Variants in NAA80 observed in about 807,000 individuals in gnomAD.
NAA80 encodes the protein N-alpha-acetyltransferase 80.
In NAA80, 5 loss-of-function variants were observed where a neutral mutation model predicts 8.7. That is an observed-to-expected ratio of 0.58 (90% CI 0.30 to 1.21). The LOEUF (loss-of-function observed/expected upper bound fraction) is 1.21, where lower values mean the gene tolerates loss of function less well. NAA80 is among the 50% of genes most tolerant of loss of function. NAA80 has a pLI of 0.07. For synonymous variants in NAA80, 149 were observed against 156.6 expected (o/e 0.95, Z 0.36); for missense variants, 360 against 368.6 (o/e 0.98, Z 0.19).
Position 50,297,904 on chromosome 3 carries a change from G to A in NAA80, c.-209-232C>T, listed in dbSNP as rs1701918410. On this transcript the variant is annotated intron_variant, in intron 1 of 1. Coordinates refer to ENST00000443094, the MANE Select transcript of NAA80 (RefSeq NM_001200016.2). This position sits in a 1 kb window ranked among gnomAD's most constrained non-coding sequence, Gnocchi z 4.3. ...ACATTGGAGGGAGGCTGGGAGTGATGGATGAGCTGCTTAAGGCTGGGGCAG... is the reference window on the plus strand; with the variant it reads ...ACATTGGAGGGAGGCTGGGAGTGATAGATGAGCTGCTTAAGGCTGGGGCAG... The A allele has an allele frequency of 2.0e-6, 2 of 1,000,826 alleles. No individual in the cohort carries two copies. Among genetic ancestry groups the A allele is most frequent in the South Asian group, 4.6e-5 (1 of 21,730 alleles). The allele number at this position is 1,000,826 out of a possible 1,614,324, so 62.0% of individuals were successfully genotyped here. A position where few individuals can be genotyped will look rare whatever the true frequency, so the allele number is the denominator to read the frequency against.
At chr3:50,298,836 C>T in intron 1 of NAA80, 1 of 1,213,380 alleles carries the variant, frequency 8.2e-7, no homozygotes, top group Non-Finnish European at 1.0e-6. Context: ...TCAGCCACCT[C>T]TGCAGCAGCC....
In NAA80 at chr3:50,296,897, C is replaced by T; in HGVS notation, c.567G>A (p.Gln189=). The T allele has an allele frequency of 6.2e-7, 1 of 1,608,688 alleles. No homozygotes were observed. The highest frequency in any genetic ancestry group is 8.5e-7 in the Non-Finnish European group (1 of 1,178,220). The change falls in exon 2 of 2, where the codon CAG becomes CAA. Residue 189 remains glutamine (Q), a synonymous_variant. Transcript: ENST00000443094. ...CCAGGCCCTGCACAGGCTCACCCAGCTGGTAGCCCAGGTGGGTATAGAAGT... is the reference window on the plus strand; with the variant it reads ...CCAGGCCCTGCACAGGCTCACCCAGTTGGTAGCCCAGGTGGGTATAGAAGT... The part of the protein sequence containing the change: ...QVHFYTHLGY[Q]LGEPVQGLVF...
At position 50,297,258 on chromosome 3, in the gene NAA80, G is replaced by A. The variant is rs1258733951; in HGVS notation, c.206C>T (p.Pro69Leu). ...ELTLEPVHRR[P>L]ELLDACADLI... is the part of the protein sequence containing the mutation. ...GTCAGCACAAGCATCCAGGAGCTCGGGTCGGCGGTGCACAGGCTCCAGGGT... is the reference window on the plus strand; with the variant it reads ...GTCAGCACAAGCATCCAGGAGCTCGAGTCGGCGGTGCACAGGCTCCAGGGT... Residue 69 changes from proline (P) to leucine (L), a missense_variant, in exon 2 of 2, where the codon CCC (proline) becomes CTC (leucine). Transcript: ENST00000443094. The surrounding 1 kb of genome is among the most constrained non-coding windows in gnomAD (Gnocchi z 4.3). The A allele has an allele frequency of 1.3e-5, 21 of 1,610,082 alleles. No individual in the cohort carries two copies. Among genetic ancestry groups the A allele is most frequent in the Middle Eastern group, 1.6e-4 (1 of 6,062 alleles).
At position 50,299,397 on chromosome 3, in the gene NAA80, G is replaced by T; in HGVS notation, c.-394C>A. 7.3e-7 allele frequency: 1 copy of T among 1,370,818 alleles called. No individual in the cohort carries two copies. Among genetic ancestry groups the T allele is most frequent in the South Asian group, 1.3e-5 (1 of 76,402 alleles). 84.9% of individuals were successfully genotyped at this position (1,370,818 alleles called of 1,614,324 possible). On this transcript the variant is annotated 5_prime_UTR_variant, in exon 1 of 2. Coordinates refer to ENST00000443094, the MANE Select transcript of NAA80 (RefSeq NM_001200016.2). The stretch of plus-strand genomic sequence containing the variant: ...TAAGGCCTCCCAGCACCCGCGCGTC[G>T]CCGCTTAGAACCCGCCCCTGGTTTG...
chr3:50,297,491 C>G lies in NAA80; in HGVS notation c.-28G>C. ...GGTGTGTAGGGTCTAGTGTAGGGGT[C>G]AGCTTGGCTGGGCCAGGGCTCAGAG... is the stretch of plus-strand genomic sequence containing the variant. On this transcript the variant is annotated 5_prime_UTR_variant, in exon 2 of 2. Coordinates refer to ENST00000443094, the MANE Select transcript of NAA80 (RefSeq NM_001200016.2). The surrounding 1 kb of genome is among the most constrained non-coding windows in gnomAD (Gnocchi z 4.3). 6.4e-7 allele frequency: 1 copy of G among 1,556,550 alleles called. No individual in the cohort carries two copies. The highest frequency in any genetic ancestry group is 8.7e-7 in the Non-Finnish European group (1 of 1,147,660).
rs1370505443 is a variant in NAA80 at position 50,296,709 on chromosome 3, G to A, written c.755C>T (p.Thr252Ile). ...CCCTGATGGAACTGGGGGTGAGATGGTCAGGCACTCAGGTAGGGGAGGGGG... is the reference window on the plus strand; with the variant it reads ...CCCTGATGGAACTGGGGGTGAGATGATCAGGCACTCAGGTAGGGGAGGGGG... ...PPPPPLPECL[T>I]ISPPVPSGPP... The change falls in exon 2 of 2, where the codon ACC (threonine) becomes ATC (isoleucine). Residue 252 changes from threonine to isoleucine, a missense_variant. Thr to Ile is a moderately conservative substitution (Grantham distance 89). Coordinates refer to ENST00000443094, the MANE Select transcript of NAA80 (RefSeq NM_001200016.2). 1.9e-6 allele frequency: 3 copies of A among 1,613,584 alleles called. No homozygotes were observed. In the African/African-American group the frequency reaches 4.0e-5, roughly 22 times the overall value.
intron 1 of NAA80, chr3:50,298,823 G>C (rs782199464): frequency 7.3e-5 from 86 of 1,182,020 alleles, no homozygotes; most frequent in Non-Finnish European, 8.9e-5. Context: ...CCCCTCACCT[G>C]CATCAGCCAC....
At position 50,296,695 on chromosome 3, in the gene NAA80, C is replaced by A; in HGVS notation, c.769G>T (p.Val257Phe). 1.2e-6 allele frequency: 2 copies of A among 1,613,302 alleles called. No homozygotes were observed. The highest frequency in any genetic ancestry group is 1.1e-5 in the South Asian group (1 of 91,058). The change falls in exon 2 of 2, where the codon GTT becomes TTT. Residue 257 changes from valine to phenylalanine, a missense_variant. Val to Phe is a conservative substitution (Grantham distance 50). Transcript: ENST00000443094. ...CTTTTTGAAGGGGGCCCTGATGGAA[C>A]TGGGGGTGAGATGGTCAGGCACTCA... is the stretch of plus-strand genomic sequence containing the variant. ...LPECLTISPP[V>F]PSGPPSKSLL...
In NAA80 at chr3:50,297,311, C is replaced by T. The variant is rs1400419338; in HGVS notation, c.153G>A (p.Glu51=). ...LTLDPEHQPE[E]TPAPSLAELT... Reference sequence around the variant, plus strand: ...ACTCAGCCAGGCTAGGAGCTGGGGTCTCCTCTGGCTGGTGTTCAGGATCCA... The same window carrying T: ...ACTCAGCCAGGCTAGGAGCTGGGGTTTCCTCTGGCTGGTGTTCAGGATCCA... Residue 51 remains glutamate, a synonymous_variant, in exon 2 of 2, where the codon GAG becomes GAA. Transcript: ENST00000443094. This position sits in a 1 kb window ranked among gnomAD's most constrained non-coding sequence, Gnocchi z 4.3. The T allele has an allele frequency of 6.2e-7, 1 of 1,604,066 alleles. No individual in the cohort carries two copies. Among genetic ancestry groups the T allele is most frequent in the African/African-American group, 1.3e-5 (1 of 74,714 alleles).
chr3:50,298,120 T>A (rs1362150915), intron 1 of NAA80: 1 of 983,748 alleles, frequency 1.0e-6, no homozygotes, highest in African/African-American at 1.7e-5. Flanking sequence ...GCAGACACTA[T>A]ACCCCCTGCT....
chr3:50,296,514 G>C lies in NAA80; in HGVS notation c.*89C>G. The C allele has an allele frequency of 6.8e-7, 1 of 1,463,980 alleles. No homozygotes were observed. The highest frequency in any genetic ancestry group is 9.3e-7 in the Non-Finnish European group (1 of 1,072,528). 90.7% of individuals were successfully genotyped at this position (1,463,980 alleles called of 1,614,324 possible). A position where few individuals can be genotyped will look rare whatever the true frequency, so the allele number is the denominator to read the frequency against. ...GGTTAAAGCTGCCCCCCAGGGGCTA[G>C]GGGCTGAGGTATGGTCAGTGGGCTG... On this transcript the variant is annotated 3_prime_UTR_variant, in exon 2 of 2. Transcript: ENST00000443094.
Position 50,296,497 on chromosome 3 carries a change from C to T in NAA80, c.*106G>A. 7.5e-7 allele frequency: 1 copy of T among 1,335,902 alleles called. No homozygotes were observed. Among genetic ancestry groups the T allele is most frequent in the Non-Finnish European group, 1.0e-6 (1 of 975,020 alleles). 82.8% of individuals were successfully genotyped at this position (1,335,902 alleles called of 1,614,324 possible). A position where few individuals can be genotyped will look rare whatever the true frequency, so the allele number is the denominator to read the frequency against. On this transcript the variant is annotated 3_prime_UTR_variant, in exon 2 of 2. Coordinates refer to ENST00000443094, the MANE Select transcript of NAA80 (RefSeq NM_001200016.2). ...CCCAGGAAACATGCCCAGGTTAAAG[C>T]TGCCCCCCAGGGGCTAGGGGCTGAG...
At position 50,297,366 on chromosome 3, in the gene NAA80, G is replaced by C. The variant is rs782062604; in HGVS notation, c.98C>G (p.Thr33Ser). The C allele has an allele frequency of 1.2e-6, 2 of 1,613,164 alleles. No individual in the cohort carries two copies. Among genetic ancestry groups the C allele is most frequent in the Admixed American group, 3.3e-5 (2 of 59,890 alleles). Residue 33 changes from threonine to serine, a missense_variant, in exon 2 of 2, where the codon ACC becomes AGC. Thr to Ser is a moderately conservative substitution (Grantham distance 58, BLOSUM62 1). Coordinates refer to ENST00000443094, the MANE Select transcript of NAA80 (RefSeq NM_001200016.2). The surrounding 1 kb of genome is among the most constrained non-coding windows in gnomAD (Gnocchi z 4.3). ...AAGCTCAGTTGGACCAGGATTGAAG[G>C]TCATCTCTGGTTGGCATGTGGAATC... Reference protein sequence around the residue: ...PLDSTCQPEMTFNPGPTELTL... With the variant: ...PLDSTCQPEMSFNPGPTELTL...
Position 50,297,095 on chromosome 3 carries a change from A to G in NAA80, c.369T>C (p.His123=). The G allele has an allele frequency of 6.5e-7, 1 of 1,546,924 alleles. No homozygotes were observed. Among genetic ancestry groups the G allele is most frequent in the Non-Finnish European group, 8.7e-7 (1 of 1,145,610 alleles). Residue 123 remains histidine, a synonymous_variant, in exon 2 of 2, where the codon CAT becomes CAC. Coordinates refer to ENST00000443094, the MANE Select transcript of NAA80 (RefSeq NM_001200016.2). The surrounding 1 kb of genome is among the most constrained non-coding windows in gnomAD (Gnocchi z 4.3). Reference sequence around the variant, plus strand: ...GGTTCAGCACCCGTGACAGGCGGGCATGGCCCACCACAACGGGTGCTGCTT... The same window carrying G: ...GGTTCAGCACCCGTGACAGGCGGGCGTGGCCCACCACAACGGGTGCTGCTT... ...TLEAAPVVVG[H]ARLSRVLNQP...
rs1702023706 is a variant in NAA80 at position 50,299,401 on chromosome 3, C to A, written c.-398G>T. Reference sequence around the variant, plus strand: ...GCCTCCCAGCACCCGCGCGTCGCCGCTTAGAACCCGCCCCTGGTTTGCGCG... The same window carrying A: ...GCCTCCCAGCACCCGCGCGTCGCCGATTAGAACCCGCCCCTGGTTTGCGCG... On this transcript the variant is annotated 5_prime_UTR_variant, in exon 1 of 2. Transcript: ENST00000443094. 2 of 1,323,962 alleles carry A rather than the reference C, an allele frequency of 1.5e-6. No individual in the cohort carries two copies. The allele number at this position is 1,323,962 out of a possible 1,614,324, so 82.0% of individuals were successfully genotyped here.
At chr3:50,299,072 A>G in intron 1 of NAA80, 141 bp downstream of exon 1, 1 of 1,603,690 alleles carries the variant, frequency 6.2e-7, no homozygotes. Context: ...CGAGAGCTCG[A>G]CTCTGTGGGC....
In NAA80 at chr3:50,299,266, A is replaced by G. The variant is rs1702017820; in HGVS notation, c.-263T>C. 3.1e-6 allele frequency: 5 copies of G among 1,613,840 alleles called. No individual in the cohort carries two copies. The highest frequency in any genetic ancestry group is 4.2e-6 in the Non-Finnish European group (5 of 1,179,968). ...GCGTCCTAGCTCCGCACAGCTGGGTATCTCACTCAGTCGCCACCTCGGACT... is the reference window on the plus strand; with the variant it reads ...GCGTCCTAGCTCCGCACAGCTGGGTGTCTCACTCAGTCGCCACCTCGGACT... On this transcript the variant is annotated 5_prime_UTR_variant, in exon 1 of 2. Transcript: ENST00000443094.
In NAA80 at chr3:50,296,948, C is replaced by A; in HGVS notation, c.516G>T (p.Leu172=). 1 of 1,604,964 alleles carries A rather than the reference C, an allele frequency of 6.2e-7. No homozygotes were observed. The highest frequency in any genetic ancestry group is 8.5e-7 in the Non-Finnish European group (1 of 1,177,046). ...GCACCTGGTCATGGGTGGTGAGATG[C>A]AGCTTGCGGAAGCCCCGGGCCCGAG... ...VFARARGFRK[L]HLTTHDQVHF... is the part of the protein sequence containing the mutation. Residue 172 remains leucine, a synonymous_variant, in exon 2 of 2, where the codon CTG becomes CTT. Transcript: ENST00000443094.
At position 50,297,292 on chromosome 3, in the gene NAA80, C is replaced by T. The variant is rs782545983; in HGVS notation, c.172G>A (p.Ala58Thr). 6 of 1,603,328 alleles carry T rather than the reference C, an allele frequency of 3.7e-6. No individual in the cohort carries two copies. Among genetic ancestry groups the T allele is most frequent in the Non-Finnish European group, 5.1e-6 (6 of 1,172,956 alleles). Reference protein sequence around the residue: ...QPEETPAPSLAELTLEPVHRR... With the variant: ...QPEETPAPSLTELTLEPVHRR... ...TGCACAGGCTCCAGGGTCAACTCAG[C>T]CAGGCTAGGAGCTGGGGTCTCCTCT... Residue 58 changes from alanine (A) to threonine (T), a missense_variant, in exon 2 of 2, where the codon GCT becomes ACT. Transcript: ENST00000443094. The surrounding 1 kb of genome is among the most constrained non-coding windows in gnomAD (Gnocchi z 4.3).
Sources: allele counts gnomAD v4.1 joint callset, GRCh38; gene constraint gnomAD v4.1.1; non-coding constraint Gnocchi (gnomAD v3.1); transcripts MANE v1.5; gene names NCBI Gene and HGNC (gene_info 2026-07-23, HGNC 2026-07-21).